Variants in ZNF664 observed in about 807,000 individuals in gnomAD.
ZNF664 encodes zinc finger Organ of Corti 1.
A neutral mutation model predicts 18.2 loss-of-function variants in ZNF664; 10 were observed. That is an observed-to-expected ratio of 0.55 (90% CI 0.34 to 0.93). The LOEUF is 0.93. Among genes scored for constraint, ZNF664 ranks in the 40% least tolerant of loss-of-function variants. The pLI, the probability that ZNF664 is intolerant of heterozygous loss-of-function variation, is 0.02. For synonymous variants in ZNF664, 119 were observed against 104.2 expected (o/e 1.14, Z -0.86); for missense variants, 193 against 319.0 (o/e 0.61, Z 3.01).
chr12:124,001,417 G>A (rs1247115739), intron 3 of ZNF664, among the ~76,000 whole-genome samples: 3 of 152,146 alleles, frequency 2.0e-5, no homozygotes, highest in African/African-American at 4.8e-5. Context: ...TAAAGATCAC[G>A]ATGCCTAGCT....
At chr12:123,994,171 A>ATCT (rs879425945) in intron 3 of ZNF664, among the ~76,000 whole-genome samples, 4,135 of 152,288 alleles carry the variant, frequency 0.027, 176 homozygotes, top group African/African-American at 0.093. Flanking sequence ...CTCACTACAC[A>ATCT]TAAGTGGTCA....
At position 124,015,021 on chromosome 12, in the gene ZNF664, T is replaced by C. The variant is rs1370345439; in HGVS notation, c.*2091T>C. 6.0e-6 allele frequency: 1 copy of C among 167,126 alleles called. No individual in the cohort carries two copies. Among genetic ancestry groups the C allele is most frequent in the Non-Finnish European group, 1.5e-5 (1 of 68,120 alleles). 10.4% of individuals were successfully genotyped at this position (167,126 alleles called of 1,614,324 possible). On this transcript the variant is annotated 3_prime_UTR_variant, in exon 5 of 5. Transcript: ENST00000337815. ...ATTTACTGTAGTGTCTTATCACTCT[T>C]TCATGTCACAATAGCGTGGAGCATT...
chr12:123,992,431 AGGAGTATAACC>A (rs1956899331), intron 3 of ZNF664, among the ~76,000 whole-genome samples: 2 of 152,162 alleles, frequency 1.3e-5, no homozygotes, highest in African/African-American at 4.8e-5. Flanking sequence ...TGGAAAGGAG[AGGAGTATAACC>A]GGGCTGATAT....
At position 123,992,022 on chromosome 12, in the gene ZNF664, C is replaced by T. The variant is rs112388793; in HGVS notation, c.-661+3884C>T. On this transcript the variant is annotated intron_variant, in intron 3 of 4. Transcript: ENST00000337815. ...GCTAAGTCATGCAAAGACGAATTTC[C>T]GCAGGACAAAATGAAGCATATCTTC... Among the ~76,000 whole-genome samples the T allele has an allele frequency of 5.5e-3, 838 of 152,256 alleles. 8 individuals carry two copies. Among genetic ancestry groups the T allele is most frequent in the African/African-American group, 0.015 (633 of 41,554 alleles).
chr12:123,975,820 T>C (rs1006314256), intron 2 of ZNF664, among the ~76,000 whole-genome samples: 1 of 152,234 alleles, frequency 6.6e-6, no homozygotes, highest in Non-Finnish European at 1.5e-5. Context: ...CTATAATATT[T>C]AAGCTTATTT....
chr12:123,979,626 T>C (rs565440124), intron 2 of ZNF664, among the ~76,000 whole-genome samples: 1 of 152,230 alleles, frequency 6.6e-6, no homozygotes, highest in Non-Finnish European at 1.5e-5. Context: ...ACAATAAATT[T>C]TGGTACCCAT....
chr12:123,985,946 A>G (rs1306482281), intron 2 of ZNF664, among the ~76,000 whole-genome samples: 1 of 152,110 alleles, frequency 6.6e-6, no homozygotes, highest in African/African-American at 2.4e-5. Context: ...TAATTTTGCA[A>G]TTTTCTTTTC....
chr12:123,994,614 T>C (rs4765568), intron 3 of ZNF664, among the ~76,000 whole-genome samples: 27,290 of 152,196 alleles, frequency 0.18, 2,456 homozygotes, highest in Middle Eastern at 0.2. Flanking sequence ...CTTGCATAGA[T>C]AATGTAGTTG....
At chr12:124,001,824 A>G (rs1424652050) in intron 3 of ZNF664, among the ~76,000 whole-genome samples, 1 of 152,256 alleles carries the variant, frequency 6.6e-6, no homozygotes, top group Non-Finnish European at 1.5e-5. Flanking sequence ...AGAAGCTGAC[A>G]TAGGTTAGAC....
rs187759243 is a variant in ZNF664, at chr12:123,984,353, C to T, written c.-756-3690C>T. On this transcript the variant is annotated intron_variant, in intron 2 of 4. Transcript: ENST00000337815. The stretch of plus-strand genomic sequence containing the variant: ...GCCCTTGGATTGGCCAAGAGAAGGC[C>T]GACAATGAGAGAGGAACCTCGGTGG... Among the ~76,000 whole-genome samples the T allele has an allele frequency of 1.3e-4, 19 of 151,990 alleles. No individual in the cohort carries two copies. The East Asian group carries it at 2.7e-3, about 22-fold the overall frequency.
chr12:124,010,107 A>G (rs1225567990), intron 3 of ZNF664, among the ~76,000 whole-genome samples: 1 of 152,160 alleles, frequency 6.6e-6, no homozygotes, highest in Non-Finnish European at 1.5e-5. Flanking sequence ...TGTCTTTAGG[A>G]TATATTCTAG....
intron 2 of ZNF664, among the ~76,000 whole-genome samples, chr12:123,978,967 A>G (rs1433140407): frequency 2.0e-5 from 3 of 152,240 alleles, no homozygotes; most frequent in Non-Finnish European, 2.9e-5. Flanking sequence ...GAAAGATCCT[A>G]CTTCACATTC....
Position 124,012,912 on chromosome 12 carries a change from C to G in ZNF664, c.768C>G (p.Leu256=). The G allele has an allele frequency of 6.2e-7, 1 of 1,613,692 alleles. No homozygotes were observed. The highest frequency in any genetic ancestry group is 8.5e-7 in the Non-Finnish European group (1 of 1,179,910). ...TCCACACAAAGGAGAGAAACCATCTCAAAATATCAGTTATATAAAACGTTT... is the reference window on the plus strand; with the variant it reads ...TCCACACAAAGGAGAGAAACCATCTGAAAATATCAGTTATATAAAACGTTT... ...QRVHTKERNH[L]KISVI Residue 256 remains leucine, a synonymous_variant, in exon 5 of 5, where the codon CTC becomes CTG. Coordinates refer to ENST00000337815, the MANE Select transcript of ZNF664 (RefSeq NM_152437.3).
At chr12:123,988,347 G>A (rs1466023167) in intron 3 of ZNF664, among the ~76,000 whole-genome samples, 3 of 152,168 alleles carry the variant, frequency 2.0e-5, no homozygotes, top group South Asian at 2.1e-4. Context: ...CTCTAAAGAT[G>A]TCAGAAACAT....
chr12:123,988,248 A>G, intron 3 of ZNF664, 110 bp downstream of exon 3: 3 of 1,037,748 alleles, frequency 2.9e-6, no homozygotes, highest in Non-Finnish European at 3.7e-6. Flanking sequence ...CTTTGGGCTC[A>G]GTGAGGAAGC....
chr12:123,979,586 G>A (rs1323263483), intron 2 of ZNF664, among the ~76,000 whole-genome samples: 5 of 152,144 alleles, frequency 3.3e-5, no homozygotes, highest in South Asian at 2.1e-4. Context: ...CTATTGCAGC[G>A]TCATTTATAA....
chr12:124,009,558 G>C lies in ZNF664; in HGVS notation c.-660-1823G>C, dbSNP rs186883181. Among the ~76,000 whole-genome samples the C allele has an allele frequency of 1.8e-4, 28 of 152,094 alleles. No homozygotes were observed. The East Asian group carries it at 5.4e-3, about 29-fold the overall frequency. On this transcript the variant is annotated intron_variant, in intron 3 of 4. Coordinates refer to ENST00000337815, the MANE Select transcript of ZNF664 (RefSeq NM_152437.3). ...CTGTTGCTGAGGCTGGAGTACAGTGGTGCAATCTTGGCTCAATGTAGCCTT... is the reference window on the plus strand; with the variant it reads ...CTGTTGCTGAGGCTGGAGTACAGTGCTGCAATCTTGGCTCAATGTAGCCTT...
chr12:123,973,875 G>A lies in ZNF664; in HGVS notation c.-891-11G>A. On this transcript the variant is annotated splice_polypyrimidine_tract_variant and intron_variant, in intron 1 of 4. Coordinates refer to ENST00000337815, the MANE Select transcript of ZNF664 (RefSeq NM_152437.3). Reference sequence around the variant, plus strand: ...AGGAGCCGGCTGCATGGGGTGCTGTGTGTTTTTCAGGGCGCCCTGCGTCCG... The same window carrying A: ...AGGAGCCGGCTGCATGGGGTGCTGTATGTTTTTCAGGGCGCCCTGCGTCCG... 9.6e-7 allele frequency: 1 copy of A among 1,039,096 alleles called. No homozygotes were observed. The highest frequency in any genetic ancestry group is 1.2e-6 in the Non-Finnish European group (1 of 821,108). 64.4% of individuals were successfully genotyped at this position (1,039,096 alleles called of 1,614,324 possible).
intron 2 of ZNF664, among the ~76,000 whole-genome samples, chr12:123,979,384 C>G (rs184082607): frequency 2.0e-3 from 308 of 152,128 alleles, no homozygotes; most frequent in Non-Finnish European, 3.7e-3. Context: ...GGGCATCAGG[C>G]AAAAATTAAA....
Sources: gnomAD v4.1 joint callset for allele counts (sites outside exome capture counted in the v4.1 genomes callset) on GRCh38, gnomAD v4.1.1 for gene constraint, MANE v1.5 for transcripts, NCBI Gene and HGNC (gene_info 2026-07-23, HGNC 2026-07-21) for gene names.